Variants in PCDH9 observed in about 807,000 individuals in gnomAD.
The protein encoded by PCDH9 is protocadherin-9.
A neutral mutation model predicts 70.6 loss-of-function variants in PCDH9; 24 were observed. The ratio of observed to expected loss-of-function variants is 0.34; its 90% CI spans 0.25 to 0.48. The LOEUF (loss-of-function observed/expected upper bound fraction) is 0.48. Among genes scored for constraint, PCDH9 ranks in the 20% least tolerant of loss-of-function variants. The probability of loss-of-function intolerance (pLI) is 0.99; values close to 1 mark genes in which losing one functional copy is unlikely to be tolerated. For synonymous variants in PCDH9, 562 were observed against 558.5 expected (o/e 1.01, Z -0.09); for missense variants, 1,281 against 1,503.6 (o/e 0.85, Z 2.45).
At chr13:66,537,264 T>C (rs1960746297) in intron 4 of PCDH9, among the ~76,000 whole-genome samples, 1 of 152,064 alleles carries the variant, frequency 6.6e-6, no homozygotes, top group Non-Finnish European at 1.5e-5. Flanking sequence ...GCTCAGTGAG[T>C]GCTGAACATT....
intron 2 of PCDH9, among the ~76,000 whole-genome samples, chr13:67,127,668 A>G (rs891544498): frequency 2.4e-5 from 2 of 83,204 alleles, no homozygotes; most frequent in Non-Finnish European, 4.9e-5. Flanking sequence ...TTTATCATAT[A>G]TATATATATG....
At chr13:66,631,503 A>C in intron 3 of PCDH9, 92 bp from the exon 4 acceptor site, 2 of 716,416 alleles carry the variant, frequency 2.8e-6, no homozygotes, top group Non-Finnish European at 4.8e-6. Flanking sequence ...TTCAACAAGT[A>C]ACACAATGTA....
intron 2 of PCDH9, among the ~76,000 whole-genome samples, chr13:66,905,785 A>G (rs944857971): frequency 6.6e-6 from 1 of 152,184 alleles, no homozygotes; most frequent in Non-Finnish European, 1.5e-5. Context: ...ACCTCTGTAG[A>G]CTGGTAGAAA....
chr13:67,083,539 C>T (rs2086029962), intron 2 of PCDH9, among the ~76,000 whole-genome samples: 1 of 152,100 alleles, frequency 6.6e-6, no homozygotes, highest in Non-Finnish European at 1.5e-5. Flanking sequence ...ACTAAATATC[C>T]TTACAAGATC....
At chr13:66,709,959 G>T (rs1244629737) in intron 3 of PCDH9, among the ~76,000 whole-genome samples, 1 of 152,090 alleles carries the variant, frequency 6.6e-6, no homozygotes, top group Non-Finnish European at 1.5e-5. Context: ...TCATATAATA[G>T]AAATAATATT....
chr13:67,083,739 C>T (rs575685035), intron 2 of PCDH9, among the ~76,000 whole-genome samples: 23 of 152,294 alleles, frequency 1.5e-4, no homozygotes, highest in Non-Finnish European at 2.6e-4. Flanking sequence ...ATCTATGAAA[C>T]ACCAGAGAGG....
At chr13:66,460,817 C>T (rs1958409515) in intron 4 of PCDH9, among the ~76,000 whole-genome samples, 1 of 151,818 alleles carries the variant, frequency 6.6e-6, no homozygotes, top group Non-Finnish European at 1.5e-5. Context: ...GCATGTAAAC[C>T]CTTCACTGGT....
At chr13:66,544,814 C>G (rs1375627244) in intron 4 of PCDH9, among the ~76,000 whole-genome samples, 3 of 152,074 alleles carry the variant, frequency 2.0e-5, no homozygotes, top group Non-Finnish European at 4.4e-5. Flanking sequence ...ACATCTTATG[C>G]TAATTAACAA....
At chr13:66,899,905 T>C (rs1379121803) in intron 3 of PCDH9, among the ~76,000 whole-genome samples, 1 of 151,978 alleles carries the variant, frequency 6.6e-6, no homozygotes, top group Non-Finnish European at 1.5e-5. Flanking sequence ...ACTTCAAGTA[T>C]AAACTATTTT....
chr13:67,105,722 C>G (rs9529187), intron 2 of PCDH9, among the ~76,000 whole-genome samples: 18,449 of 151,628 alleles, frequency 0.12, 1,196 homozygotes, highest in African/African-American at 0.15. Context: ...CATATCTGAA[C>G]AATAATATTT....
At chr13:66,378,699 A>T (rs535930323) in intron 4 of PCDH9, among the ~76,000 whole-genome samples, 18 of 152,200 alleles carry the variant, frequency 1.2e-4, no homozygotes, top group Non-Finnish European at 2.1e-4. Flanking sequence ...CATAGGAAAG[A>T]TCTAGAAAGA....
intron 2 of PCDH9, among the ~76,000 whole-genome samples, chr13:67,023,267 T>A (rs1219636706): frequency 6.6e-6 from 1 of 152,090 alleles, no homozygotes; most frequent in Non-Finnish European, 1.5e-5. Flanking sequence ...AAATTAGTAC[T>A]CCAGTCCCCA....
intron 3 of PCDH9, among the ~76,000 whole-genome samples, chr13:66,790,602 C>A (rs1048128676): frequency 2.0e-5 from 3 of 151,980 alleles, no homozygotes; most frequent in Non-Finnish European, 2.9e-5. Context: ...TGGTGTGAGG[C>A]AGGGGCCTGT....
At chr13:66,623,615 T>A (rs2077460370) in intron 4 of PCDH9, among the ~76,000 whole-genome samples, 1 of 152,150 alleles carries the variant, frequency 6.6e-6, no homozygotes, top group Non-Finnish European at 1.5e-5. Context: ...ATTTTTAATT[T>A]TTTTTGTACA....
chr13:66,956,626 C>G (rs1182510630), intron 2 of PCDH9, among the ~76,000 whole-genome samples: 2 of 152,130 alleles, frequency 1.3e-5, no homozygotes, highest in Non-Finnish European at 2.9e-5. Context: ...TGGCACACAG[C>G]TGTAGTCCCA....
chr13:66,954,168 T>G lies in PCDH9; in HGVS notation c.3037-50563A>C, dbSNP rs61959226. 7.7e-3 allele frequency among the ~76,000 whole-genome samples: 1,169 copies of G among 152,292 alleles called. 9 individuals are homozygous for G. The highest frequency in any genetic ancestry group is 0.012 in the Non-Finnish European group (838 of 68,020). On this transcript the variant is annotated intron_variant, in intron 2 of 4. Coordinates refer to ENST00000377865, the MANE Select transcript of PCDH9 (RefSeq NM_203487.3). ...ACACAATTATCTATTTTTCTTAATGTTCCCCAACTGCTCCTAGCCCATGTC... is the reference window on the plus strand; with the variant it reads ...ACACAATTATCTATTTTTCTTAATGGTCCCCAACTGCTCCTAGCCCATGTC...
intron 2 of PCDH9, among the ~76,000 whole-genome samples, chr13:67,060,078 T>C (rs944993180): frequency 2.0e-5 from 3 of 152,054 alleles, no homozygotes; most frequent in Admixed American, 2.0e-4. Flanking sequence ...TGTGTGACTC[T>C]GGGCAGGTTA....
At chr13:66,672,978 T>C (rs1232217566) in intron 3 of PCDH9, among the ~76,000 whole-genome samples, 1 of 152,192 alleles carries the variant, frequency 6.6e-6, no homozygotes, top group East Asian at 1.9e-4. Flanking sequence ...GACTTTGGAC[T>C]GTGGACTTTT....
intron 2 of PCDH9, chr13:66,996,206 G>A (rs1378919363): frequency 6.6e-6 from 1 of 152,134 alleles, no homozygotes; most frequent in African/African-American, 2.4e-5. Context: ...TTTATTGAAT[G>A]TTACTATTTT....
Sources: allele counts gnomAD v4.1 joint callset (sites outside exome capture counted in the v4.1 genomes callset), GRCh38; gene constraint gnomAD v4.1.1; transcripts MANE v1.5; gene names NCBI Gene and HGNC (gene_info 2026-07-23, HGNC 2026-07-21).